PIP5K1B: variants seen among roughly 807,000 people sequenced by gnomAD.
PIP5K1B encodes the protein phosphatidylinositol-4-phosphate 5-kinase type 1 beta.
A neutral mutation model predicts 67.0 loss-of-function variants in PIP5K1B; 42 were observed. That is an observed-to-expected ratio of 0.63 (90% CI 0.49 to 0.81). The LOEUF (loss-of-function observed/expected upper bound fraction) is 0.81, where lower values mean the gene tolerates loss of function less well. Among genes scored for constraint, PIP5K1B ranks in the 30% least tolerant of loss-of-function variants. The pLI, the probability that PIP5K1B is intolerant of heterozygous loss-of-function variation, is 0.00. For missense variants in PIP5K1B, 459 were observed against 646.3 expected (o/e 0.71, Z 3.14); for synonymous variants, 214 against 231.4 (o/e 0.92, Z 0.68).
chr9:68,999,720 C>G (rs991787905), intron 15 of PIP5K1B, among the ~76,000 whole-genome samples: 1 of 152,138 alleles, frequency 6.6e-6, no homozygotes, highest in Admixed American at 6.5e-5. Context: ...ACACGTGCCT[C>G]TAATGTAGAA....
At chr9:68,893,680 C>T (rs1824931054) in intron 7 of PIP5K1B, among the ~76,000 whole-genome samples, 1 of 152,068 alleles carries the variant, frequency 6.6e-6, no homozygotes. Context: ...GAAGAAACTA[C>T]CCCATATAGA....
chr9:68,953,627 G>C (rs1828214145), intron 14 of PIP5K1B, among the ~76,000 whole-genome samples: 2 of 151,796 alleles, frequency 1.3e-5, no homozygotes, highest in Non-Finnish European at 2.9e-5. Context: ...ACCAGCCTGG[G>C]CAATACTAGT....
intron 2 of PIP5K1B, among the ~76,000 whole-genome samples, chr9:68,746,081 T>C (rs1829290275): frequency 6.7e-6 from 1 of 148,172 alleles, no homozygotes; most frequent in East Asian, 2.0e-4. Flanking sequence ...TAACTCTTTT[T>C]TTTTTTTTTT....
At position 68,828,470 on chromosome 9, in the gene PIP5K1B, T is replaced by G. The variant is rs113350867; in HGVS notation, c.69+5787T>G. Among the ~76,000 whole-genome samples the G allele has an allele frequency of 2.6e-5, 4 of 152,314 alleles. 1 individual carries two copies. Among genetic ancestry groups the G allele is most frequent in the African/African-American group, 9.6e-5 (4 of 41,564 alleles). On this transcript the variant is annotated intron_variant, in intron 4 of 15. Coordinates refer to ENST00000265382, the MANE Select transcript of PIP5K1B (RefSeq NM_003558.4). ...ACCCAAATGCCCAGTTTTTTTCACT[T>G]TGTTTTATCTTTGAAGACCTTGGTT...
chr9:68,822,162 A>G (rs1833759938), intron 3 of PIP5K1B, among the ~76,000 whole-genome samples: 1 of 152,198 alleles, frequency 6.6e-6, no homozygotes, highest in African/African-American at 2.4e-5. Context: ...AAGTTTTTTA[A>G]AAGGCTATGT....
intron 13 of PIP5K1B, among the ~76,000 whole-genome samples, chr9:68,935,375 T>C (rs1314231806): frequency 6.6e-6 from 1 of 152,042 alleles, no homozygotes; most frequent in Non-Finnish European, 1.5e-5. Flanking sequence ...AGCTGAGGCA[T>C]GAGAATCACT....
intron 14 of PIP5K1B, among the ~76,000 whole-genome samples, chr9:68,973,384 G>C (rs6560467): frequency 0.74 from 112,565 of 152,158 alleles, 43,221 homozygotes; most frequent in Non-Finnish European, 0.84. Flanking sequence ...TATGTAAATA[G>C]GATTTAGATA....
chr9:69,000,877 G>C (rs996736683), intron 15 of PIP5K1B, among the ~76,000 whole-genome samples: 2 of 150,020 alleles, frequency 1.3e-5, no homozygotes, highest in South Asian at 2.1e-4. Flanking sequence ...GATGGAAAAG[G>C]CTTGATGGGA....
At chr9:68,939,873 A>T (rs915310628) in intron 13 of PIP5K1B, among the ~76,000 whole-genome samples, 1 of 152,206 alleles carries the variant, frequency 6.6e-6, no homozygotes, top group African/African-American at 2.4e-5. Context: ...CCTTAAAGTT[A>T]TAATTGTATT....
In PIP5K1B at chr9:69,006,277, T is replaced by A. The variant is rs1385971499; in HGVS notation, c.1621-2170T>A. ...GGCTTCTGGGATCATTCTCAACCACTGAGTCTCAGCAGATGGCATGCTGGG... is the reference window on the plus strand; with the variant it reads ...GGCTTCTGGGATCATTCTCAACCACAGAGTCTCAGCAGATGGCATGCTGGG... On this transcript the variant is annotated intron_variant, in intron 15 of 15. Transcript: ENST00000265382. Among the ~76,000 whole-genome samples the A allele has an allele frequency of 2.0e-5, 3 of 152,248 alleles. No homozygotes were observed. In the East Asian group the frequency reaches 5.8e-4, roughly 29 times the overall value.
At chr9:68,755,388 T>G (rs1343530826) in intron 2 of PIP5K1B, among the ~76,000 whole-genome samples, 1 of 152,206 alleles carries the variant, frequency 6.6e-6, no homozygotes, top group Non-Finnish European at 1.5e-5. Context: ...ACAAATATAT[T>G]AGGTGCTAAT....
At chr9:68,862,714 C>T (rs1472236137) in intron 4 of PIP5K1B, among the ~76,000 whole-genome samples, 2 of 151,938 alleles carry the variant, frequency 1.3e-5, no homozygotes, top group Non-Finnish European at 2.9e-5. Flanking sequence ...ATTGCTTGAA[C>T]CCGGGAGGCA....
At chr9:68,853,092 AAGAG>A (rs1447026282) in intron 4 of PIP5K1B, among the ~76,000 whole-genome samples, 5 of 152,156 alleles carry the variant, frequency 3.3e-5, no homozygotes, top group Non-Finnish European at 5.9e-5. Flanking sequence ...GAAAAACAGA[AAGAG>A]AGCCTTGGAA....
At chr9:68,780,781 G>A (rs1296606286) in intron 2 of PIP5K1B, 2 of 1,614,090 alleles carry the variant, frequency 1.2e-6, no homozygotes, top group African/African-American at 1.3e-5. Context: ...AAAAGAAAAT[G>A]TGAAATGGAA....
At chr9:68,981,297 A>C (rs180736331) in intron 14 of PIP5K1B, among the ~76,000 whole-genome samples, 2 of 152,310 alleles carry the variant, frequency 1.3e-5, no homozygotes, top group East Asian at 3.9e-4. Flanking sequence ...TAAATAGCAA[A>C]TGTTGGAAGA....
chr9:68,788,185 T>A, intron 2 of PIP5K1B: 1 of 320,812 alleles, frequency 3.1e-6, no homozygotes, highest in South Asian at 3.1e-5. Context: ...CACTGCAGGC[T>A]AAGGGGAAAA....
chr9:68,855,046 G>A (rs1268908614), intron 4 of PIP5K1B, among the ~76,000 whole-genome samples: 1 of 152,134 alleles, frequency 6.6e-6, no homozygotes, highest in Non-Finnish European at 1.5e-5. Flanking sequence ...CCAGATTTAG[G>A]TTTATATATG....
At chr9:68,885,561 A>C (rs1347353925) in intron 6 of PIP5K1B, among the ~76,000 whole-genome samples, 4 of 152,212 alleles carry the variant, frequency 2.6e-5, no homozygotes, top group African/African-American at 7.2e-5. Context: ...TACCCAATAC[A>C]TATATACAAT....
At chr9:69,003,441 G>T (rs1168958796) in intron 15 of PIP5K1B, among the ~76,000 whole-genome samples, 1 of 148,084 alleles carries the variant, frequency 6.8e-6, no homozygotes, top group East Asian at 2.0e-4. Context: ...AAGGCCTCAG[G>T]ACTGAAACCT....
Sources: allele counts gnomAD v4.1 joint callset (sites outside exome capture counted in the v4.1 genomes callset), GRCh38; gene constraint gnomAD v4.1.1; transcripts MANE v1.5; gene names NCBI Gene and HGNC (gene_info 2026-07-23, HGNC 2026-07-21).